Variants in CPNE8 observed in about 807,000 individuals in gnomAD.
CPNE8 encodes the protein copine-8.
A neutral mutation model predicts 81.5 loss-of-function variants in CPNE8; 45 were observed. The observed-to-expected ratio is 0.55, with a 90% confidence interval of 0.44 to 0.71. CPNE8 has a LOEUF of 0.71. CPNE8 is among the 30% of genes least tolerant of loss of function. The pLI is 0.00. For synonymous variants in CPNE8, 252 were observed against 226.3 expected (o/e 1.11, Z -1.02); for missense variants, 594 against 672.1 (o/e 0.88, Z 1.28).
chr12:38,774,641 T>C (rs1310515549), intron 7 of CPNE8, among the ~76,000 whole-genome samples: 1 of 152,110 alleles, frequency 6.6e-6, no homozygotes, highest in East Asian at 1.9e-4. Flanking sequence ...TAGTGATTAG[T>C]TCACATTTTT....
chr12:38,786,150 T>C lies in CPNE8; in HGVS notation c.408-9849A>G, dbSNP rs114026402. On this transcript the variant is annotated intron_variant, in intron 6 of 19. Coordinates refer to ENST00000331366, the MANE Select transcript of CPNE8 (RefSeq NM_153634.3). ...GATTAAAAAACAAAGCCCAATGTTC[T>C]GTTGCCTAGAAGAAACACACTTAAC... 2.9e-3 allele frequency among the ~76,000 whole-genome samples: 444 copies of C among 152,328 alleles called. 4 individuals carry two copies. The highest frequency in any genetic ancestry group is 0.01 in the African/African-American group (428 of 41,574).
At chr12:38,655,643 T>G (rs1938800087) in intron 19 of CPNE8, among the ~76,000 whole-genome samples, 1 of 152,142 alleles carries the variant, frequency 6.6e-6, no homozygotes, top group Non-Finnish European at 1.5e-5. Context: ...ATTATGTGCC[T>G]CTGGAAAACA....
At chr12:38,881,038 G>A (rs1944147352) in intron 1 of CPNE8, among the ~76,000 whole-genome samples, 2 of 151,338 alleles carry the variant, frequency 1.3e-5, no homozygotes, top group South Asian at 2.1e-4. Flanking sequence ...GTGAAACCCC[G>A]TCTCTACTAA....
chr12:38,888,663 T>G (rs1293765285), intron 1 of CPNE8, among the ~76,000 whole-genome samples: 1 of 152,174 alleles, frequency 6.6e-6, no homozygotes, highest in African/African-American at 2.4e-5. Flanking sequence ...AGAACAGAAG[T>G]GTGCCCTGAC....
Position 38,776,221 on chromosome 12 carries a change from A to G in CPNE8, c.471+17T>C, listed in dbSNP as rs756554318. 2.9e-5 allele frequency: 41 copies of G among 1,432,838 alleles called. No individual in the cohort carries two copies. Among genetic ancestry groups the G allele is most frequent in the Non-Finnish European group, 3.7e-5 (39 of 1,043,054 alleles). The allele number at this position is 1,432,838 out of a possible 1,614,324, so 88.8% of individuals were successfully genotyped here. On this transcript the variant is annotated intron_variant, in intron 7 of 19. Coordinates refer to ENST00000331366, the MANE Select transcript of CPNE8 (RefSeq NM_153634.3). ...AAGTATGGAAGTATTTTCTAAACCAAAGAAATATTTACTTACCCTGCAACA... is the reference window on the plus strand; with the variant it reads ...AAGTATGGAAGTATTTTCTAAACCAGAGAAATATTTACTTACCCTGCAACA...
At chr12:38,800,023 C>T (rs987267384) in intron 6 of CPNE8, among the ~76,000 whole-genome samples, 4 of 135,860 alleles carry the variant, frequency 2.9e-5, no homozygotes, top group African/African-American at 1.0e-4. Context: ...CGGAATCTCG[C>T]TGATTGCTAG....
At chr12:38,677,193 C>T (rs1386652095) in intron 17 of CPNE8, among the ~76,000 whole-genome samples, 2 of 151,870 alleles carry the variant, frequency 1.3e-5, no homozygotes, top group Non-Finnish European at 2.9e-5. Context: ...CAAACCCATG[C>T]CTGTGAAAAT....
At chr12:38,847,180 T>C (rs1384434743) in intron 4 of CPNE8, among the ~76,000 whole-genome samples, 1 of 152,030 alleles carries the variant, frequency 6.6e-6, no homozygotes, top group Non-Finnish European at 1.5e-5. Flanking sequence ...GCAATAAATA[T>C]TTATTACTTT....
chr12:38,881,132 C>A (rs879939372), intron 1 of CPNE8, among the ~76,000 whole-genome samples: 1 of 151,516 alleles, frequency 6.6e-6, no homozygotes, highest in Non-Finnish European at 1.5e-5. Flanking sequence ...ATGGCGTGAA[C>A]CCGGGAGGCG....
chr12:38,721,666 G>T (rs1285288798), intron 13 of CPNE8, among the ~76,000 whole-genome samples: 1 of 152,224 alleles, frequency 6.6e-6, no homozygotes, highest in Non-Finnish European at 1.5e-5. Flanking sequence ...TCACCATGTT[G>T]CAGGCATAGA....
chr12:38,730,493 A>G, intron 10 of CPNE8, 135 bp from the exon 11 acceptor site: 1 of 474,312 alleles, frequency 2.1e-6, no homozygotes, highest in Non-Finnish European at 3.7e-6. Context: ...ATAATTTACA[A>G]AATATTTAAA....
chr12:38,834,004 G>A (rs1003177171), intron 5 of CPNE8, among the ~76,000 whole-genome samples: 1 of 152,172 alleles, frequency 6.6e-6, no homozygotes, highest in Non-Finnish European at 1.5e-5. Context: ...CAGCAGGTTA[G>A]AGCAGGGTGA....
At chr12:38,668,872 AC>A (rs529268230) in intron 19 of CPNE8, among the ~76,000 whole-genome samples, 42 of 151,860 alleles carry the variant, frequency 2.8e-4, no homozygotes, top group Non-Finnish European at 5.7e-4. Flanking sequence ...ACACAGTGAA[AC>A]CCCATCTCTA....
At chr12:38,886,960 G>A (rs1041399346) in intron 1 of CPNE8, among the ~76,000 whole-genome samples, 1 of 152,046 alleles carries the variant, frequency 6.6e-6, no homozygotes, top group East Asian at 1.9e-4. Context: ...AAGAAATGAC[G>A]ACACCCAGGG....
intron 10 of CPNE8, among the ~76,000 whole-genome samples, chr12:38,737,015 G>T (rs1054838101): frequency 6.6e-6 from 1 of 151,892 alleles, no homozygotes; most frequent in African/African-American, 2.4e-5. Context: ...TCATTTTTTA[G>T]CTTGAACGCT....
intron 8 of CPNE8, among the ~76,000 whole-genome samples, chr12:38,763,889 C>T (rs1941622208): frequency 6.6e-6 from 1 of 151,116 alleles, no homozygotes; most frequent in Admixed American, 6.6e-5. Flanking sequence ...TGAAATATCC[C>T]CCCTTTGATA....
At chr12:38,738,505 G>T (rs1445601302) in intron 10 of CPNE8, among the ~76,000 whole-genome samples, 1 of 152,102 alleles carries the variant, frequency 6.6e-6, no homozygotes, top group East Asian at 1.9e-4. Flanking sequence ...ATTTTGTGCT[G>T]TATAGATAAG....
At chr12:38,749,532 G>T (rs1322019124) in intron 10 of CPNE8, among the ~76,000 whole-genome samples, 1 of 152,168 alleles carries the variant, frequency 6.6e-6, no homozygotes, top group Non-Finnish European at 1.5e-5. Context: ...TTGTTGAATG[G>T]CTTTCACCAA....
intron 6 of CPNE8, among the ~76,000 whole-genome samples, chr12:38,806,996 T>G (rs1942823971): frequency 6.6e-6 from 1 of 151,602 alleles, no homozygotes; most frequent in South Asian, 2.1e-4. Context: ...GAACTCCCAT[T>G]CACAACTGCT....
Sources: gnomAD v4.1 joint callset for allele counts (sites outside exome capture counted in the v4.1 genomes callset) on GRCh38, gnomAD v4.1.1 for gene constraint, MANE v1.5 for transcripts, NCBI Gene and HGNC (gene_info 2026-07-23, HGNC 2026-07-21) for gene names.